The following NBAS variants were observed in gnomAD, a reference collection of about 807,000 sequenced individuals.
NBAS encodes NAG/BC035112 fusion.
A neutral mutation model predicts 302.5 loss-of-function variants in NBAS; 219 were observed. That is an observed-to-expected ratio of 0.72 (90% CI 0.65 to 0.81). The LOEUF is 0.81. NBAS is among the 30% of genes least tolerant of loss of function. The probability of loss-of-function intolerance (pLI) is 0.00; values close to 1 mark genes in which losing one functional copy is unlikely to be tolerated. For synonymous variants in NBAS, 1,118 were observed against 1,021.6 expected (o/e 1.09, Z -1.80); for missense variants, 2,932 against 2,841.6 (o/e 1.03, Z -0.72).
intron 48 of NBAS, among the ~76,000 whole-genome samples, chr2:15,192,565 C>A (rs572440079): frequency 3.9e-5 from 6 of 152,260 alleles, no homozygotes; most frequent in African/African-American, 1.4e-4. Flanking sequence ...TACAACTACA[C>A]AAATGATACT....
chr2:15,477,610 G>A (rs113822850), intron 13 of NBAS, among the ~76,000 whole-genome samples: 1 of 152,074 alleles, frequency 6.6e-6, no homozygotes, highest in African/African-American at 2.4e-5. Context: ...TTTTACTGAA[G>A]ACACTTAAAA....
At chr2:15,444,093 G>C (rs1678592991) in intron 21 of NBAS, among the ~76,000 whole-genome samples, 1 of 151,876 alleles carries the variant, frequency 6.6e-6, no homozygotes, top group South Asian at 2.1e-4. Flanking sequence ...GTAATTTATA[G>C]ATTCAATGCC....
chr2:15,556,630 T>C lies in NBAS; in HGVS notation c.209+153A>G, dbSNP rs139134949. On this transcript the variant is annotated intron_variant, in intron 3 of 51. Transcript: ENST00000281513. ...TCTACTGAGATATCTTGTCAGATTCTACCTAAATGTTTGAAATGTCTCATA... is the reference window on the plus strand; with the variant it reads ...TCTACTGAGATATCTTGTCAGATTCCACCTAAATGTTTGAAATGTCTCATA... 2.6e-3 allele frequency among the ~76,000 whole-genome samples: 402 copies of C among 152,306 alleles called. 10 individuals carry two copies. The East Asian group carries it at 0.069, about 26-fold the overall frequency.
At chr2:15,527,979 T>A (rs1448188477) in intron 9 of NBAS, among the ~76,000 whole-genome samples, 1 of 152,030 alleles carries the variant, frequency 6.6e-6, no homozygotes, top group Non-Finnish European at 1.5e-5. Context: ...CCTTAAAGAA[T>A]AAGCTGCCTC....
At chr2:14,882,583 G>A in the NBAS span, among the ~76,000 whole-genome samples, 1 of 152,152 alleles carries the variant, frequency 6.6e-6, no homozygotes, top group African/African-American at 2.4e-5. Context: ...AGAAAGTGAG[G>A]TGATCCTCAA....
chr2:14,992,702 G>A, the NBAS span, among the ~76,000 whole-genome samples: 1 of 152,196 alleles, frequency 6.6e-6, no homozygotes, highest in Non-Finnish European at 1.5e-5. Context: ...TTCCACACCA[G>A]TGTCCTTCAT....
chr2:15,392,253 A>C (rs1232912599), intron 28 of NBAS, among the ~76,000 whole-genome samples: 3 of 151,850 alleles, frequency 2.0e-5, no homozygotes, highest in Admixed American at 6.6e-5. Flanking sequence ...ATGACAACAA[A>C]AAAAAAAGCT....
At chr2:15,376,112 T>C (rs1378924578) in intron 30 of NBAS, among the ~76,000 whole-genome samples, 3 of 152,206 alleles carry the variant, frequency 2.0e-5, no homozygotes, top group Admixed American at 2.0e-4. Flanking sequence ...CCTTTTTGTA[T>C]TGTTTGGATA....
At chr2:15,076,789 CT>C in the NBAS span, among the ~76,000 whole-genome samples, 2 of 152,226 alleles carry the variant, frequency 1.3e-5, no homozygotes, top group Non-Finnish European at 2.9e-5. Context: ...CTGAATGCCT[CT>C]CTTGCAACTT....
chr2:14,837,217 T>G, the NBAS span, among the ~76,000 whole-genome samples: 599 of 151,940 alleles, frequency 3.9e-3, 2 homozygotes, highest in Non-Finnish European at 7.1e-3. Context: ...GAGTAGGTAT[T>G]CTCTTGTTCC....
chr2:15,396,588 T>C, intron 26 of NBAS, 113 bp from the exon 27 acceptor site: 1 of 645,090 alleles, frequency 1.6e-6, no homozygotes. Flanking sequence ...ATGTAATGTA[T>C]AACAATATTA....
At chr2:15,085,277 T>C in the NBAS span, among the ~76,000 whole-genome samples, 21,426 of 151,926 alleles carry the variant, frequency 0.14, 4,017 homozygotes, top group African/African-American at 0.43. Flanking sequence ...CGACCAGTGG[T>C]GCAGCCACTG....
At chr2:15,084,843 ACT>A in the NBAS span, among the ~76,000 whole-genome samples, 2 of 152,094 alleles carry the variant, frequency 1.3e-5, no homozygotes, top group Admixed American at 1.3e-4. Context: ...ATCCTCGAAG[ACT>A]CTAACCACTT....
chr2:14,926,483 C>T, the NBAS span, among the ~76,000 whole-genome samples: 2 of 144,798 alleles, frequency 1.4e-5, no homozygotes, highest in Admixed American at 1.4e-4. Context: ...ATCATTTCAG[C>T]TGGTACTTGT....
At chr2:15,335,841 T>C (rs1178262170) in intron 35 of NBAS, among the ~76,000 whole-genome samples, 1 of 152,214 alleles carries the variant, frequency 6.6e-6, no homozygotes, top group African/African-American at 2.4e-5. Context: ...ATTAGTCCAA[T>C]TCGTCAGTTT....
chr2:15,308,219 G>C lies in NBAS; in HGVS notation c.4794C>G (p.Tyr1598Ter). 5 of 1,614,164 alleles carry C rather than the reference G, an allele frequency of 3.1e-6. No individual in the cohort carries two copies. Among genetic ancestry groups the C allele is most frequent in the Non-Finnish European group, 4.2e-6 (5 of 1,180,028 alleles). Reference sequence around the variant, plus strand: ...GCTGGAAATCATGAAGACTCACCCTGTAAAGAGGATGGCACTTGTCCCTGA... The same window carrying C: ...GCTGGAAATCATGAAGACTCACCCTCTAAAGAGGATGGCACTTGTCCCTGA... ...PCFRDKCHPLYRADPKELIKM... is the reference protein window; with the variant it reads ...PCFRDKCHPL Residue 1598 changes from tyrosine (Y) to a stop codon, truncating the protein, a stop_gained, in exon 40 of 52, where the codon TAC becomes TAG. Coordinates refer to ENST00000281513, the MANE Select transcript of NBAS (RefSeq NM_015909.4). LOFTEE classifies it high-confidence loss of function.
intron 9 of NBAS, among the ~76,000 whole-genome samples, chr2:15,531,839 A>G (rs1355417039): frequency 6.6e-6 from 1 of 152,110 alleles, no homozygotes. Flanking sequence ...ACCTTCCTCA[A>G]TGAGGGTAAT....
intron 21 of NBAS, among the ~76,000 whole-genome samples, chr2:15,452,449 G>C (rs567527611): frequency 1.1e-5 from 1 of 92,268 alleles, no homozygotes; most frequent in African/African-American, 4.8e-5. Flanking sequence ...TTAGTCGGGC[G>C]TGGTGGCGGG....
chr2:15,058,316 G>A, the NBAS span, among the ~76,000 whole-genome samples: 1 of 152,154 alleles, frequency 6.6e-6, no homozygotes, highest in Non-Finnish European at 1.5e-5. Flanking sequence ...GGCCAAGGAT[G>A]CTGCTCAATA....
Sources: allele counts gnomAD v4.1 joint callset (sites outside exome capture counted in the v4.1 genomes callset), GRCh38; gene constraint gnomAD v4.1.1; transcripts MANE v1.5; gene names NCBI Gene and HGNC (gene_info 2026-07-23, HGNC 2026-07-21).